SEPTIN14: variants seen among roughly 807,000 people sequenced by gnomAD.
The protein encoded by SEPTIN14 is septin-14.
In SEPTIN14, 40 loss-of-function variants were observed where a neutral mutation model predicts 53.6. That is an observed-to-expected ratio of 0.75 (90% CI 0.58 to 0.97). The LOEUF (loss-of-function observed/expected upper bound fraction) is 0.97, where lower values mean the gene tolerates loss of function less well. Ranked by LOEUF, SEPTIN14 falls within the 50% of genes least tolerant of loss-of-function variation. SEPTIN14 has a pLI of 0.00. For synonymous variants in SEPTIN14, 138 were observed against 166.8 expected (o/e 0.83, Z 1.33); for missense variants, 471 against 508.2 (o/e 0.93, Z 0.70).
At chr7:55,843,151 A>G (rs1187559823) in intron 4 of SEPTIN14, 23 bp from the exon 5 acceptor site, 1 of 1,442,604 alleles carries the variant, frequency 6.9e-7, no homozygotes, top group Admixed American at 2.5e-5. Context: ...TTATACATTT[A>G]GCATAACAGA....
intron 6 of SEPTIN14, among the ~76,000 whole-genome samples, chr7:55,820,557 C>T (rs761954545): frequency 2.0e-5 from 3 of 152,146 alleles, no homozygotes; most frequent in Non-Finnish European, 4.4e-5. Flanking sequence ...AGATAACAGT[C>T]TCAGGGAAGA....
chr7:55,828,632 T>A (rs1473560157), intron 6 of SEPTIN14, among the ~76,000 whole-genome samples: 3 of 152,100 alleles, frequency 2.0e-5, no homozygotes, highest in Admixed American at 6.6e-5. Flanking sequence ...TAGGCTAGAC[T>A]AAGCAGAAGA....
At chr7:55,814,056 G>A (rs185943832) in intron 7 of SEPTIN14, among the ~76,000 whole-genome samples, 18 of 152,204 alleles carry the variant, frequency 1.2e-4, no homozygotes, top group Admixed American at 1.0e-3. Context: ...CTTCTGTTTG[G>A]GAGAAAGTGA....
At chr7:55,816,633 C>T (rs73132810) in intron 7 of SEPTIN14, among the ~76,000 whole-genome samples, 20,340 of 148,940 alleles carry the variant, frequency 0.14, 1,812 homozygotes, top group Non-Finnish European at 0.2. Flanking sequence ...CCTGTCTCTA[C>T]TAAAAATACA....
intron 7 of SEPTIN14, among the ~76,000 whole-genome samples, chr7:55,818,529 T>C (rs1242627052): frequency 2.0e-5 from 3 of 150,494 alleles, no homozygotes; most frequent in Non-Finnish European, 3.0e-5. Flanking sequence ...AAATCTTCCA[T>C]TCCCCAATAA....
chr7:55,841,982 C>A (rs905421984), intron 5 of SEPTIN14, among the ~76,000 whole-genome samples: 1 of 152,126 alleles, frequency 6.6e-6, no homozygotes, highest in Non-Finnish European at 1.5e-5. Flanking sequence ...TTGCAGTGAG[C>A]CAAGATTGTG....
intron 2 of SEPTIN14, among the ~76,000 whole-genome samples, chr7:55,849,528 C>T (rs1404223555): frequency 6.6e-6 from 1 of 151,390 alleles, no homozygotes; most frequent in Non-Finnish European, 1.5e-5. Flanking sequence ...GGGAGATCAC[C>T]TGAGGTCAGG....
chr7:55,796,940 T>C (rs1490605401), intron 9 of SEPTIN14, among the ~76,000 whole-genome samples: 2 of 151,890 alleles, frequency 1.3e-5, no homozygotes, highest in East Asian at 3.9e-4. Flanking sequence ...CTGGCCAACA[T>C]AGTGAAACCC....
At chr7:55,856,589 C>T (rs894516307) in intron 2 of SEPTIN14, among the ~76,000 whole-genome samples, 3 of 151,934 alleles carry the variant, frequency 2.0e-5, no homozygotes, top group Admixed American at 1.3e-4. Flanking sequence ...GACAAGATTT[C>T]ACCATGTTGG....
chr7:55,812,335 A>G (rs1368589719), intron 7 of SEPTIN14, among the ~76,000 whole-genome samples: 1 of 152,214 alleles, frequency 6.6e-6, no homozygotes, highest in Admixed American at 6.5e-5. Context: ...CAGGCACAGA[A>G]GGACAAATAC....
At chr7:55,800,937 C>T (rs1330887559) in intron 9 of SEPTIN14, among the ~76,000 whole-genome samples, 1 of 151,974 alleles carries the variant, frequency 6.6e-6, no homozygotes, top group Non-Finnish European at 1.5e-5. Flanking sequence ...AAATATCTAT[C>T]GTACCCCATA....
intron 7 of SEPTIN14, among the ~76,000 whole-genome samples, chr7:55,808,640 C>G (rs1788647268): frequency 6.6e-6 from 1 of 152,162 alleles, no homozygotes; most frequent in South Asian, 2.1e-4. Flanking sequence ...CAACCTCCGC[C>G]TCCTGGGTTC....
chr7:55,823,908 A>C (rs928705937), intron 6 of SEPTIN14, among the ~76,000 whole-genome samples: 4 of 144,022 alleles, frequency 2.8e-5, no homozygotes, highest in Middle Eastern at 3.6e-3. Context: ...TTTTTTTGAG[A>C]GAGAGAGTGT....
Position 55,843,105 on chromosome 7 carries a change from A to G in SEPTIN14, c.395T>C (p.Ile132Thr). 6 of 1,592,996 alleles carry G rather than the reference A, an allele frequency of 3.8e-6. No homozygotes were observed. Among genetic ancestry groups the G allele is most frequent in the Non-Finnish European group, 5.1e-6 (6 of 1,173,904 alleles). ...EASYQPIVDY[I>T]DAQFEAYLQE... ...AAGATAGGCCTCAAATTGGGCATCT[A>G]TGTAGTCAACTATTGGTTGGTAGCT... Residue 132 changes from isoleucine (I) to threonine (T), a missense_variant, in exon 5 of 10, where the codon ATA becomes ACA. Ile to Thr is a moderately conservative substitution (Grantham distance 89). Transcript: ENST00000388975.
chr7:55,814,179 TAC>T (rs1435239009), intron 7 of SEPTIN14, among the ~76,000 whole-genome samples: 7 of 152,156 alleles, frequency 4.6e-5, no homozygotes, highest in Non-Finnish European at 4.4e-5. Context: ...GGGCTTGGGG[TAC>T]CACCTAATAC....
intron 7 of SEPTIN14, chr7:55,811,432 G>T: frequency 2.5e-6 from 1 of 401,828 alleles, no homozygotes; most frequent in South Asian, 2.2e-5. Context: ...GGAGGCTGCA[G>T]GGAGCGATGG....
intron 2 of SEPTIN14, among the ~76,000 whole-genome samples, chr7:55,859,265 G>A (rs545312217): frequency 1.3e-5 from 2 of 152,034 alleles, no homozygotes; most frequent in African/African-American, 4.8e-5. Context: ...TCTATTTTGA[G>A]TTGGTTTTTT....
intron 6 of SEPTIN14, among the ~76,000 whole-genome samples, chr7:55,833,463 C>G (rs1000997157): frequency 6.6e-6 from 1 of 152,048 alleles, no homozygotes; most frequent in African/African-American, 2.4e-5. Context: ...GGCACGGTGG[C>G]TCACACCTGT....
chr7:55,859,401 T>C (rs1789705463), intron 2 of SEPTIN14, among the ~76,000 whole-genome samples: 1 of 152,186 alleles, frequency 6.6e-6, no homozygotes, highest in African/African-American at 2.4e-5. Flanking sequence ...TTTCAAAAAT[T>C]AGCTAACCAT....
Sources: gnomAD v4.1 joint callset for allele counts (sites outside exome capture counted in the v4.1 genomes callset) on GRCh38, gnomAD v4.1.1 for gene constraint, MANE v1.5 for transcripts, NCBI Gene and HGNC (gene_info 2026-07-23, HGNC 2026-07-21) for gene names.